Variants in CDK5RAP3 observed in about 807,000 individuals in gnomAD.
CDK5RAP3 encodes the protein CDK5 regulatory subunit-associated protein 3.
A neutral mutation model predicts 73.3 loss-of-function variants in CDK5RAP3; 58 were observed. The observed-to-expected ratio is 0.79, with a 90% CI of 0.64 to 0.98. The LOEUF is 0.98. Ranked by LOEUF, CDK5RAP3 falls within the 50% of genes least tolerant of loss-of-function variation. The pLI is 0.00. For missense variants in CDK5RAP3, 525 were observed against 615.8 expected (o/e 0.85, Z 1.56); for synonymous variants, 224 against 247.5 (o/e 0.91, Z 0.89).
chr17:47,970,639 CTGAA>C (rs757180319), upstream of CDK5RAP3: 15 of 1,534,876 alleles, frequency 9.8e-6, no homozygotes, highest in African/African-American at 1.4e-5. Flanking sequence ...ATTAGAGAAA[CTGAA>C]TGAGGAGGCA....
At chr17:47,974,639 A>G (rs755284402) in intron 5 of CDK5RAP3, 191 bp downstream of exon 5, 39 of 1,412,178 alleles carry the variant, frequency 2.8e-5, no homozygotes, top group Non-Finnish European at 3.3e-5. Context: ...TGCTGGGGGA[A>G]GGAGGAGGTC....
upstream of CDK5RAP3, chr17:47,970,975 C>A (rs1384509801): frequency 4.8e-6 from 7 of 1,462,286 alleles, no homozygotes; most frequent in Admixed American, 2.5e-5. Flanking sequence ...CTGGGGTGGG[C>A]GGGGCTTGAG....
intron 4 of CDK5RAP3, 107 bp downstream of exon 4, chr17:47,974,138 T>C: frequency 1.2e-6 from 1 of 812,622 alleles, no homozygotes; most frequent in Non-Finnish European, 2.1e-6. Flanking sequence ...CTACATAGAA[T>C]ATTTCCTGAA....
chr17:47,975,772 T>G, intron 7 of CDK5RAP3, 97 bp from the exon 8 acceptor site: 1 of 1,592,540 alleles, frequency 6.3e-7, no homozygotes, highest in Non-Finnish European at 8.6e-7. Context: ...CCTGAACCTG[T>G]GGGGGCCTTG....
At chr17:47,971,034 T>C (rs544542293), upstream of CDK5RAP3, 45 of 1,529,666 alleles carry the variant, frequency 2.9e-5, no homozygotes, top group Admixed American at 2.2e-4. Flanking sequence ...GGCGGCGACG[T>C]GGCCGAAGGA....
intron 7 of CDK5RAP3, 108 bp downstream of exon 7, chr17:47,975,761 A>C: frequency 2.5e-6 from 4 of 1,584,292 alleles, no homozygotes; most frequent in Non-Finnish European, 2.6e-6. Context: ...CTCTTTACAC[A>C]CCTGAACCTG....
chr17:47,975,116 C>A (rs375541299), intron 5 of CDK5RAP3, 43 bp from the exon 6 acceptor site: 1 of 1,613,662 alleles, frequency 6.2e-7, no homozygotes, highest in Non-Finnish European at 8.5e-7. Context: ...ATGCCTGCCT[C>A]ATGTGGGGGT....
chr17:47,974,348 G>A, intron 4 of CDK5RAP3, 52 bp from the exon 5 acceptor site: 1 of 1,460,546 alleles, frequency 6.8e-7, no homozygotes, highest in South Asian at 1.1e-5. Flanking sequence ...GAGCTGGGAT[G>A]TGGCTGTCGA....
chr17:47,976,399 GC>G, intron 8 of CDK5RAP3: 1 of 370,910 alleles, frequency 2.7e-6, no homozygotes, highest in Non-Finnish European at 5.0e-6. Context: ...TTGCTCTGTT[GC>G]CCAGGCTGGA....
At chr17:47,976,901 C>A in intron 9 of CDK5RAP3, 79 bp downstream of exon 9, 1 of 837,768 alleles carries the variant, frequency 1.2e-6, no homozygotes, top group Non-Finnish European at 1.9e-6. Context: ...TCTGTAACGG[C>A]ATCACTTGAA....
intron 5 of CDK5RAP3, 83 bp from the exon 6 acceptor site, chr17:47,975,076 A>G (rs748825590): frequency 6.2e-7 from 1 of 1,612,336 alleles, no homozygotes; most frequent in South Asian, 1.1e-5. Flanking sequence ...GCTCTTCACC[A>G]CCACAAAGGA....
chr17:47,973,752 A>G, intron 3 of CDK5RAP3, 102 bp downstream of exon 3: 1 of 1,470,106 alleles, frequency 6.8e-7, no homozygotes. Context: ...TGGCCTTTAG[A>G]GAGGGAGCGA....
upstream of CDK5RAP3, chr17:47,970,811 G>A (rs1415725782): frequency 2.8e-6 from 4 of 1,432,048 alleles, no homozygotes; most frequent in African/African-American, 2.8e-5. Flanking sequence ...CCCGCCAGGG[G>A]AAGCGGCTGC....
chr17:47,969,778 A>G (rs751669536), upstream of CDK5RAP3, among the ~76,000 whole-genome samples: 2 of 152,020 alleles, frequency 1.3e-5, no homozygotes, highest in Non-Finnish European at 2.9e-5. Context: ...CTCCAAAATT[A>G]TAGACCCAAG....
At chr17:47,977,249 C>T (rs904606954) in intron 9 of CDK5RAP3, among the ~76,000 whole-genome samples, 1 of 152,042 alleles carries the variant, frequency 6.6e-6, no homozygotes, top group Non-Finnish European at 1.5e-5. Context: ...CCCGGGTTCA[C>T]GCCATTCTCC....
chr17:47,971,606 C>T lies in CDK5RAP3; in HGVS notation c.52+199C>T, dbSNP rs144250898. 8.1e-4 allele frequency among the ~76,000 whole-genome samples: 124 copies of T among 152,334 alleles called. 1 individual carries two copies. Among genetic ancestry groups the T allele is most frequent in the African/African-American group, 2.8e-3 (116 of 41,582 alleles). ...GAACCATATGTACAGTCTGTTTGAC[C>T]TGCGTTTTCTCCTTTAATAACATAT... On this transcript the variant is annotated intron_variant, in intron 2 of 13. Coordinates refer to ENST00000338399, the MANE Select transcript of CDK5RAP3 (RefSeq NM_176096.3).
At chr17:47,970,590 C>A (rs2144205668), upstream of CDK5RAP3, 1 of 1,370,086 alleles carries the variant, frequency 7.3e-7, no homozygotes, top group Non-Finnish European at 1.0e-6. Context: ...CCTTCCCTGC[C>A]CTAATCGCCC....
chr17:47,980,290 A>C, intron 11 of CDK5RAP3: 1 of 278,884 alleles, frequency 3.6e-6, no homozygotes, highest in South Asian at 5.0e-5. Context: ...CTTTTTTTTT[A>C]AAAAGAGTTT....
At chr17:47,973,381 C>A in intron 2 of CDK5RAP3, 138 bp from the exon 3 acceptor site, 1 of 922,522 alleles carries the variant, frequency 1.1e-6, no homozygotes, top group South Asian at 1.7e-5. Flanking sequence ...TGTCTTTATT[C>A]CCATCTTCCC....
Sources: allele counts gnomAD v4.1 joint callset (sites outside exome capture counted in the v4.1 genomes callset), GRCh38; gene constraint gnomAD v4.1.1; transcripts MANE v1.5; gene names NCBI Gene and HGNC (gene_info 2026-07-23, HGNC 2026-07-21).